Variants in ZFYVE21 observed in about 807,000 individuals in gnomAD.
ZFYVE21 encodes the protein zinc finger FYVE-type containing 21, also known as zinc finger FYVE domain-containing protein 21.
A neutral mutation model predicts 29.5 loss-of-function variants in ZFYVE21; 21 were observed. The observed-to-expected ratio is 0.71, with a 90% CI of 0.50 to 1.02. ZFYVE21 has a LOEUF of 1.02. ZFYVE21 is among the 50% of genes least tolerant of loss of function. The pLI is 0.00. For missense variants in ZFYVE21, 326 were observed against 335.4 expected, an observed-to-expected ratio of 0.97 and a Z score of 0.22; for synonymous variants, 151 against 133.8, an observed-to-expected ratio of 1.13 and a Z score of -0.89.
intron 5 of ZFYVE21, chr14:103,730,594 G>C (rs1274460859): frequency 6.6e-6 from 1 of 152,662 alleles, no homozygotes; most frequent in Non-Finnish European, 1.5e-5. Context: ...CCCTTGTGGT[G>C]GCTTGGGGGG....
chr14:103,733,429 G>A lies in ZFYVE21; in HGVS notation c.*411G>A, dbSNP rs996736402. 14 of 179,694 alleles carry A rather than the reference G, an allele frequency of 7.8e-5. No homozygotes were observed. Among genetic ancestry groups the A allele is most frequent in the Non-Finnish European group, 1.2e-4 (10 of 84,950 alleles). The allele number at this position is 179,694 out of a possible 1,614,324, so 11.1% of individuals were successfully genotyped here. ...ACTCAGGCTTCTGGTCTGCAGTGGA[G>A]CCTGTTCGCCTCTAATAGCCAGTTT... is the stretch of plus-strand genomic sequence containing the variant. On this transcript the variant is annotated 3_prime_UTR_variant, in exon 7 of 7. Coordinates refer to ENST00000311141, the MANE Select transcript of ZFYVE21 (RefSeq NM_024071.4).
intron 2 of ZFYVE21, 191 bp from the exon 3 acceptor site, chr14:103,727,555 C>T: frequency 2.7e-6 from 2 of 745,224 alleles, no homozygotes; most frequent in Non-Finnish European, 4.7e-6. Flanking sequence ...GCCTCATTTC[C>T]CAGGTGAGGC....
At chr14:103,726,636 C>T (rs1259954768) in intron 1 of ZFYVE21, 156 bp from the exon 2 acceptor site, 52 of 913,764 alleles carry the variant, frequency 5.7e-5, no homozygotes, top group Non-Finnish European at 8.2e-5. Context: ...CACAGGCGGC[C>T]AGTCCACCGT....
intron 2 of ZFYVE21, chr14:103,727,367 G>GCCCCCCCTGCCCCCCC: frequency 7.5e-6 from 1 of 133,780 alleles, no homozygotes; most frequent in Non-Finnish European, 1.5e-5. Flanking sequence ...CCTGCCCCCC[G>GCCCCCCCTGCCCCCCC]CCCCCTCTGC....
At position 103,729,400 on chromosome 14, in the gene ZFYVE21, G is replaced by T. The variant is rs2083955599; in HGVS notation, c.526+218G>T. ...GAGACTTAAACTGTAAGACAACAAA[G>T]GGACATTTGCCTCAGCATGTCATAA... On this transcript the variant is annotated intron_variant, in intron 5 of 6. Coordinates refer to ENST00000311141, the MANE Select transcript of ZFYVE21 (RefSeq NM_024071.4). 5.1e-6 allele frequency: 3 copies of T among 585,072 alleles called. No homozygotes were observed. In the East Asian group the frequency reaches 8.5e-5, roughly 17 times the overall value. 36.2% of individuals were successfully genotyped at this position (585,072 alleles called of 1,614,324 possible). A position where few individuals can be genotyped will look rare whatever the true frequency, so the allele number is the denominator to read the frequency against.
Position 103,728,933 on chromosome 14 carries a change from A to C in ZFYVE21, c.384A>C (p.Gly128=). The change falls in exon 4 of 7, where the codon GGA becomes GGC. Residue 128 remains glycine (G), a synonymous_variant. Transcript: ENST00000311141. The part of the protein sequence containing the change: ...LSGATFLVTF[G]NSEKPETMTC... ...GAGCCACCTTCCTCGTCACGTTTGG[A>C]AACTCAGAGAAACCTGAAACTATGA... 1 of 1,614,084 alleles carries C rather than the reference A, an allele frequency of 6.2e-7. No individual in the cohort carries two copies. Among genetic ancestry groups the C allele is most frequent in the Non-Finnish European group, 8.5e-7 (1 of 1,180,032 alleles).
At chr14:103,721,583 G>A (rs374126293) in intron 1 of ZFYVE21, among the ~76,000 whole-genome samples, 33 of 152,330 alleles carry the variant, frequency 2.2e-4, no homozygotes, top group African/African-American at 7.9e-4. Context: ...TCCATCCTAG[G>A]GGGCAGTGTC....
At chr14:103,727,699 C>T in intron 2 of ZFYVE21, 47 bp from the exon 3 acceptor site, 1 of 1,592,862 alleles carries the variant, frequency 6.3e-7, no homozygotes, top group Non-Finnish European at 8.5e-7. Context: ...CCCGGGGCCG[C>T]TTGTTCCCTG....
intron 2 of ZFYVE21, 189 bp downstream of exon 2, chr14:103,727,031 T>C (rs2083933370): frequency 1.8e-6 from 1 of 561,434 alleles, no homozygotes. Context: ...CTGCAACCTC[T>C]GCCTCTCAGG....
intron 5 of ZFYVE21, chr14:103,729,691 C>T (rs879280763): frequency 5.8e-6 from 8 of 1,386,280 alleles, no homozygotes; most frequent in Non-Finnish European, 7.9e-6. Context: ...GCAAACTGTG[C>T]TGACAGATGC....
chr14:103,733,329 G>T lies in ZFYVE21; in HGVS notation c.*311G>T. 1 of 306,578 alleles carries T rather than the reference G, an allele frequency of 3.3e-6. No homozygotes were observed. Among genetic ancestry groups the T allele is most frequent in the Non-Finnish European group, 6.2e-6 (1 of 162,506 alleles). 19.0% of individuals were successfully genotyped at this position (306,578 alleles called of 1,614,324 possible). A position where few individuals can be genotyped will look rare whatever the true frequency, so the allele number is the denominator to read the frequency against. ...TATATACCATTTTTATGAGTTCGCA[G>T]GTCTACTAGAAGGTTCTGGCCCATC... On this transcript the variant is annotated 3_prime_UTR_variant, in exon 7 of 7. Transcript: ENST00000311141.
chr14:103,732,623 G>A lies in ZFYVE21; in HGVS notation c.530G>A (p.Gly177Asp), dbSNP rs748724218. The A allele has an allele frequency of 1.7e-5, 26 of 1,571,702 alleles. No homozygotes were observed. Among genetic ancestry groups the A allele is most frequent in the Non-Finnish European group, 2.2e-5 (25 of 1,161,382 alleles). ...TTACCTCGTCTCTCTCCTCCAGGAG[G>A]CAACGCACGGGCCACAGGCATGTTC... ...ILTEGFPPGG[G>D]NARATGMFLQ... The change falls in exon 6 of 7, where the codon GGC becomes GAC. Residue 177 changes from glycine (G) to aspartate (D), a missense_variant. Gly to Asp is a moderately conservative substitution (Grantham distance 94). Coordinates refer to ENST00000311141, the MANE Select transcript of ZFYVE21 (RefSeq NM_024071.4).
At chr14:103,723,860 T>C (rs2083896711) in intron 1 of ZFYVE21, among the ~76,000 whole-genome samples, 1 of 152,188 alleles carries the variant, frequency 6.6e-6, no homozygotes, top group African/African-American at 2.4e-5. Flanking sequence ...GTGCTGCCTG[T>C]GTGGGTCCCG....
chr14:103,733,149 T>C lies in ZFYVE21; in HGVS notation c.*131T>C. 1.7e-6 allele frequency: 2 copies of C among 1,199,394 alleles called. No homozygotes were observed. Among genetic ancestry groups the C allele is most frequent in the Non-Finnish European group, 2.4e-6 (2 of 831,636 alleles). The allele number at this position is 1,199,394 out of a possible 1,614,324, so 74.3% of individuals were successfully genotyped here. Reference sequence around the variant, plus strand: ...TGGGAAATGCAACTCACTCATGTATTTGGAGAAACAGGAGTGTTCACTTAT... The same window carrying C: ...TGGGAAATGCAACTCACTCATGTATCTGGAGAAACAGGAGTGTTCACTTAT... On this transcript the variant is annotated 3_prime_UTR_variant, in exon 7 of 7. Coordinates refer to ENST00000311141, the MANE Select transcript of ZFYVE21 (RefSeq NM_024071.4).
intron 5 of ZFYVE21, chr14:103,729,658 G>C (rs773038746): frequency 3.6e-6 from 4 of 1,120,442 alleles, no homozygotes; most frequent in South Asian, 1.5e-5. Flanking sequence ...CTCTGCTGAC[G>C]GGGAGCTCGC....
At chr14:103,727,457 A>T (rs1464284329) in intron 2 of ZFYVE21, 8 of 489,512 alleles carry the variant, frequency 1.6e-5, no homozygotes, top group African/African-American at 1.6e-4. Context: ...TGGCGCCCCG[A>T]GGCGCGAGGG....
rs1398571217 is a variant in ZFYVE21 at position 103,716,071 on chromosome 14, C to A, written c.138+92C>A. On this transcript the variant is annotated intron_variant, in intron 1 of 6. Transcript: ENST00000311141. The surrounding 1 kb of genome is among the most constrained non-coding windows in gnomAD (Gnocchi z 4.8). ...TTCCAGGCTCCCGCGACGACCCCTC[C>A]GCCTCCGGGCGGCCCCTTCCCCAGC... The A allele has an allele frequency of 8.9e-7, 1 of 1,122,010 alleles. No homozygotes were observed. The highest frequency in any genetic ancestry group is 1.6e-5 in the African/African-American group (1 of 60,684). The allele number at this position is 1,122,010 out of a possible 1,614,324, so 69.5% of individuals were successfully genotyped here.
In ZFYVE21 at chr14:103,733,174, T is replaced by C. The variant is rs573896256; in HGVS notation, c.*156T>C. 1.3e-4 allele frequency: 114 copies of C among 881,082 alleles called. No individual in the cohort carries two copies. The African/African-American group carries it at 1.7e-3, about 13-fold the overall frequency. 54.6% of individuals were successfully genotyped at this position (881,082 alleles called of 1,614,324 possible). Reference sequence around the variant, plus strand: ...TTGGAGAAACAGGAGTGTTCACTTATCTAGTGCAATATGTTCACAGTTTAT... The same window carrying C: ...TTGGAGAAACAGGAGTGTTCACTTACCTAGTGCAATATGTTCACAGTTTAT... On this transcript the variant is annotated 3_prime_UTR_variant, in exon 7 of 7. Coordinates refer to ENST00000311141, the MANE Select transcript of ZFYVE21 (RefSeq NM_024071.4).
At chr14:103,720,143 G>C (rs2083861047) in intron 1 of ZFYVE21, among the ~76,000 whole-genome samples, 1 of 152,210 alleles carries the variant, frequency 6.6e-6, no homozygotes, top group African/African-American at 2.4e-5. Context: ...CGGGGTCCCT[G>C]TGAGAGGAGC....
Sources: allele counts gnomAD v4.1 joint callset (sites outside exome capture counted in the v4.1 genomes callset), GRCh38; gene constraint gnomAD v4.1.1; non-coding constraint Gnocchi (gnomAD v3.1); transcripts MANE v1.5; gene names NCBI Gene and HGNC (gene_info 2026-07-23, HGNC 2026-07-21).